The following LRRTM4 variants were observed in gnomAD, a reference collection of about 807,000 sequenced individuals.
LRRTM4 encodes the protein leucine rich repeat transmembrane neuronal 4.
LRRTM4 carries 25 observed loss-of-function variants against 47.6 expected under a neutral mutation model. The ratio of observed to expected loss-of-function variants is 0.53; its 90% CI spans 0.38 to 0.73. The LOEUF is 0.73. Ranked by LOEUF, LRRTM4 falls within the 30% of genes least tolerant of loss-of-function variation. The pLI is 0.00. For missense variants in LRRTM4, 638 were observed against 713.4 expected, an observed-to-expected ratio of 0.89 and a Z score of 1.20; for synonymous variants, 311 against 269.5, an observed-to-expected ratio of 1.15 and a Z score of -1.51.
chr2:77,370,393 T>A (rs1253369516), intron 3 of LRRTM4, among the ~76,000 whole-genome samples: 1 of 151,788 alleles, frequency 6.6e-6, no homozygotes, highest in African/African-American at 2.4e-5. Flanking sequence ...CCCCTAGCAA[T>A]GCTTTCTAAA....
intron 3 of LRRTM4, among the ~76,000 whole-genome samples, chr2:76,905,100 C>T (rs906534996): frequency 3.3e-5 from 5 of 152,122 alleles, no homozygotes; most frequent in Non-Finnish European, 7.4e-5. Context: ...AGGCACCCCC[C>T]AGTAGGGGCA....
At chr2:77,231,396 T>C (rs1291321172) in intron 3 of LRRTM4, among the ~76,000 whole-genome samples, 1 of 152,208 alleles carries the variant, frequency 6.6e-6, no homozygotes, top group Non-Finnish European at 1.5e-5. Context: ...CTGTTTAATA[T>C]ATACAGCAGA....
At chr2:77,051,093 G>A (rs1679417386) in intron 3 of LRRTM4, among the ~76,000 whole-genome samples, 1 of 151,520 alleles carries the variant, frequency 6.6e-6, no homozygotes, top group Non-Finnish European at 1.5e-5. Flanking sequence ...CTCTCCATGG[G>A]ATATTTGGTA....
At chr2:76,906,054 TA>T in intron 3 of LRRTM4, among the ~76,000 whole-genome samples, 1 of 152,014 alleles carries the variant, frequency 6.6e-6, no homozygotes, top group Admixed American at 6.5e-5. Flanking sequence ...TCAGATTCAC[TA>T]AAGTTGAAAT....
At chr2:77,361,065 A>G (rs1230870170) in intron 3 of LRRTM4, among the ~76,000 whole-genome samples, 3 of 151,964 alleles carry the variant, frequency 2.0e-5, no homozygotes, top group Non-Finnish European at 4.4e-5. Flanking sequence ...AGCCTCATAA[A>G]ATTACCAATT....
intron 3 of LRRTM4, among the ~76,000 whole-genome samples, chr2:77,498,181 T>C (rs1305994834): frequency 2.0e-5 from 3 of 151,892 alleles, no homozygotes; most frequent in Admixed American, 6.6e-5. Flanking sequence ...TTTCATTACC[T>C]GTGAGCCTTA....
chr2:77,014,918 G>T (rs2104080820), intron 3 of LRRTM4, among the ~76,000 whole-genome samples: 1 of 152,196 alleles, frequency 6.6e-6, no homozygotes, highest in Middle Eastern at 3.4e-3. Context: ...TATTTGAAGA[G>T]TGATGATTTT....
chr2:77,041,639 C>A (rs535672993), intron 3 of LRRTM4, among the ~76,000 whole-genome samples: 49 of 151,382 alleles, frequency 3.2e-4, no homozygotes, highest in African/African-American at 1.2e-3. Flanking sequence ...ATTCACATTT[C>A]TCTGATGATT....
intron 3 of LRRTM4, among the ~76,000 whole-genome samples, chr2:76,796,131 C>CG (rs1675304654): frequency 7.0e-6 from 1 of 142,252 alleles, no homozygotes; most frequent in Non-Finnish European, 1.6e-5. Context: ...CGGCACACCA[C>CG]AAGATTATAT....
At chr2:76,969,943 A>G (rs1676161910) in intron 3 of LRRTM4, among the ~76,000 whole-genome samples, 1 of 151,980 alleles carries the variant, frequency 6.6e-6, no homozygotes, top group Non-Finnish European at 1.5e-5. Flanking sequence ...TTCAGAATAT[A>G]TCTGTTCTGC....
intron 3 of LRRTM4, among the ~76,000 whole-genome samples, chr2:77,164,264 T>G (rs972432669): frequency 6.6e-6 from 1 of 152,144 alleles, no homozygotes; most frequent in African/African-American, 2.4e-5. Context: ...GAGCTAACTA[T>G]CCTAAACAAA....
intron 3 of LRRTM4, among the ~76,000 whole-genome samples, chr2:76,764,337 TTA>T (rs2104091517): frequency 6.6e-6 from 1 of 152,218 alleles, no homozygotes. Context: ...TGATTAAGAA[TTA>T]TATAAACTGA....
intron 3 of LRRTM4, among the ~76,000 whole-genome samples, chr2:77,323,086 G>A (rs1171138488): frequency 6.6e-6 from 1 of 151,852 alleles, no homozygotes; most frequent in Non-Finnish European, 1.5e-5. Context: ...GGCTCCTGGG[G>A]GGAACCATGA....
intron 3 of LRRTM4, among the ~76,000 whole-genome samples, chr2:76,761,140 A>T (rs1673238271): frequency 6.6e-6 from 1 of 152,230 alleles, no homozygotes; most frequent in Admixed American, 6.5e-5. Flanking sequence ...ATGTAGGCCC[A>T]GCAGGGCGTA....
At chr2:77,011,883 A>G (rs997075036) in intron 3 of LRRTM4, among the ~76,000 whole-genome samples, 1 of 151,960 alleles carries the variant, frequency 6.6e-6, no homozygotes, top group African/African-American at 2.4e-5. Context: ...ATCGCTCTTA[A>G]CCATTCACGT....
rs374570942 is a variant in LRRTM4, at chr2:76,960,317, C to T, written c.1552-211401G>A. ...TTGCACAGAAAACATAAAACATAAA[C>T]AGTGGAATTACATGCATTTTTTATT... On this transcript the variant is annotated intron_variant, in intron 3 of 3. Coordinates refer to ENST00000409884, the MANE Select transcript of LRRTM4 (RefSeq NM_001134745.3). 1.4e-3 allele frequency among the ~76,000 whole-genome samples: 206 copies of T among 151,700 alleles called. 8 individuals are homozygous for T. In the South Asian group the frequency reaches 0.041, roughly 30 times the overall value.
chr2:77,055,304 C>T (rs895666217), intron 3 of LRRTM4, among the ~76,000 whole-genome samples: 4 of 152,172 alleles, frequency 2.6e-5, no homozygotes, highest in African/African-American at 9.7e-5. Flanking sequence ...AGAACATGCC[C>T]AACCTCTAGT....
intron 3 of LRRTM4, among the ~76,000 whole-genome samples, chr2:77,433,039 G>C (rs933845490): frequency 3.3e-5 from 5 of 152,140 alleles, no homozygotes. Context: ...CTCTGAAATG[G>C]GAGAAGGGCA....
chr2:77,123,244 A>AGAGAGAGAGAGAGAGAGAGAGAGAGAG (rs1553393782), intron 3 of LRRTM4, among the ~76,000 whole-genome samples: 3 of 151,336 alleles, frequency 2.0e-5, no homozygotes, highest in African/African-American at 7.3e-5. Flanking sequence ...AGAGAGAGAG[A>AGAGAGAGAGAGAGAGAGAGAGAGAGAG]AATTTAATTC....
Sources: gnomAD v4.1 joint callset for allele counts (sites outside exome capture counted in the v4.1 genomes callset) on GRCh38, gnomAD v4.1.1 for gene constraint, MANE v1.5 for transcripts, NCBI Gene and HGNC (gene_info 2026-07-23, HGNC 2026-07-21) for gene names.